RP1: variants seen among roughly 807,000 people sequenced by gnomAD.
RP1 encodes oxygen-regulated protein 1.
In RP1, 16 loss-of-function variants were observed where a neutral mutation model predicts 14.8. That is an observed-to-expected ratio of 1.08 (90% CI 0.73 to 1.65). The LOEUF is 1.65. RP1 is among the 40% of genes most tolerant of loss of function. The pLI, the probability that RP1 is intolerant of heterozygous loss-of-function variation, is 0.00. For missense variants in RP1, 2,631 were observed against 2,535.0 expected, an observed-to-expected ratio of 1.04 and a Z score of -0.81; for synonymous variants, 876 against 883.6, an observed-to-expected ratio of 0.99 and a Z score of 0.15.
intron 25 of RP1, among the ~76,000 whole-genome samples, chr8:54,849,312 G>C (rs1812005617): frequency 6.6e-6 from 1 of 151,924 alleles, no homozygotes; most frequent in Non-Finnish European, 1.5e-5. Context: ...CTAAGCAGCT[G>C]AGTTCATTCA....
chr8:54,722,826 C>G (rs1296347386), intron 16 of RP1, among the ~76,000 whole-genome samples: 1 of 152,112 alleles, frequency 6.6e-6, no homozygotes, highest in African/African-American at 2.4e-5. Context: ...GAGACTCCAC[C>G]TGTTGCCCCC....
intron 15 of RP1, among the ~76,000 whole-genome samples, chr8:54,719,491 C>T (rs774628644): frequency 1.6e-4 from 24 of 152,104 alleles, no homozygotes; most frequent in Non-Finnish European, 3.1e-4. Flanking sequence ...TTAGTTGGGA[C>T]TGAAATCCTA....
At chr8:54,869,646 G>T (rs1812535741) in intron 28 of RP1, among the ~76,000 whole-genome samples, 1 of 152,192 alleles carries the variant, frequency 6.6e-6, no homozygotes, top group African/African-American at 2.4e-5. Flanking sequence ...TTTGCAATTT[G>T]AGTGTAGGAA....
chr8:54,573,819 C>T (rs563693997), intron 1 of RP1, among the ~76,000 whole-genome samples: 1 of 152,080 alleles, frequency 6.6e-6, no homozygotes, highest in Non-Finnish European at 1.5e-5. Context: ...GGAACAACTC[C>T]AATGTTTAAA....
chr8:54,564,196 C>T (rs1372508312), intron 1 of RP1, among the ~76,000 whole-genome samples: 1 of 152,068 alleles, frequency 6.6e-6, no homozygotes, highest in East Asian at 1.9e-4. Flanking sequence ...TTAATGTAAG[C>T]TTTTTTACTA....
chr8:54,662,454 C>T (rs1483639837), intron 6 of RP1, among the ~76,000 whole-genome samples: 1 of 152,142 alleles, frequency 6.6e-6, no homozygotes, highest in African/African-American at 2.4e-5. Context: ...AAGGAAGACC[C>T]TACTGAAGCC....
intron 22 of RP1, among the ~76,000 whole-genome samples, chr8:54,769,441 C>T (rs1402242143): frequency 6.6e-6 from 1 of 152,024 alleles, no homozygotes; most frequent in African/African-American, 2.4e-5. Flanking sequence ...GCCCCAGTTG[C>T]TTTTACAGGT....
exon 29 of RP1, chr8:54,870,437 CT>C (rs1198410188): frequency 6.6e-6 from 1 of 152,164 alleles, no homozygotes; most frequent in African/African-American, 2.4e-5. Flanking sequence ...GTATGTCTCT[CT>C]CAGAATTAGT....
At chr8:54,698,079 G>C (rs1807914667) in intron 12 of RP1, among the ~76,000 whole-genome samples, 1 of 152,122 alleles carries the variant, frequency 6.6e-6, no homozygotes, top group Non-Finnish European at 1.5e-5. Flanking sequence ...CACAGCAAAA[G>C]AAACTATCAT....
intron 27 of RP1, among the ~76,000 whole-genome samples, chr8:54,861,722 C>T (rs1448341033): frequency 6.6e-6 from 1 of 152,134 alleles, no homozygotes; most frequent in East Asian, 1.9e-4. Context: ...TCTGCCTCAG[C>T]CTCCCGAGTG....
intron 24 of RP1, among the ~76,000 whole-genome samples, chr8:54,831,211 G>A (rs1393576190): frequency 2.0e-5 from 3 of 151,848 alleles, no homozygotes; most frequent in Non-Finnish European, 2.9e-5. Flanking sequence ...ATTCTTTTGG[G>A]TATATACCCA....
At chr8:54,670,716 A>T (rs1807161528) in intron 7 of RP1, among the ~76,000 whole-genome samples, 3 of 129,266 alleles carry the variant, frequency 2.3e-5, no homozygotes, top group Admixed American at 8.1e-5. Flanking sequence ...TAAAACATTA[A>T]GTCCTGGTGA....
intron 22 of RP1, among the ~76,000 whole-genome samples, chr8:54,765,066 T>C (rs1324330769): frequency 6.6e-6 from 1 of 152,238 alleles, no homozygotes; most frequent in African/African-American, 2.4e-5. Context: ...AGAGCGGCGT[T>C]TCTGCTGCTC....
intron 5 of RP1, among the ~76,000 whole-genome samples, chr8:54,654,625 A>T (rs1806718601): frequency 6.6e-6 from 1 of 152,184 alleles, no homozygotes; most frequent in Admixed American, 6.5e-5. Flanking sequence ...CACAGACCTT[A>T]GTAGGATCAG....
At chr8:54,614,655 C>T (rs750699294), upstream of RP1, among the ~76,000 whole-genome samples, 3 of 152,168 alleles carry the variant, frequency 2.0e-5, no homozygotes, top group South Asian at 2.1e-4. Flanking sequence ...GGGAGTGGAA[C>T]GTATACTACG....
At chr8:54,768,557 G>T (rs1311637882) in intron 22 of RP1, among the ~76,000 whole-genome samples, 1 of 152,168 alleles carries the variant, frequency 6.6e-6, no homozygotes, top group Non-Finnish European at 1.5e-5. Flanking sequence ...AAGTGTGTGG[G>T]ATAGCAATAA....
At chr8:54,665,300 C>T (rs546078782) in intron 7 of RP1, among the ~76,000 whole-genome samples, 10 of 152,126 alleles carry the variant, frequency 6.6e-5, no homozygotes, top group Non-Finnish European at 1.3e-4. Flanking sequence ...CCACCTCTCC[C>T]AAACTTGTGA....
intron 25 of RP1, among the ~76,000 whole-genome samples, chr8:54,838,413 G>A (rs950373011): frequency 1.3e-5 from 2 of 152,068 alleles, no homozygotes; most frequent in African/African-American, 4.8e-5. Context: ...TAGCCTCTTT[G>A]TTCGGAATGA....
intron 26 of RP1, among the ~76,000 whole-genome samples, chr8:54,854,444 A>G (rs555823110): frequency 6.6e-6 from 1 of 152,368 alleles, no homozygotes; most frequent in Non-Finnish European, 1.5e-5. Context: ...TCTATTTTAC[A>G]TCAAATCCCC....
Sources: allele counts gnomAD v4.1 joint callset (sites outside exome capture counted in the v4.1 genomes callset), GRCh38; gene constraint gnomAD v4.1.1; transcripts MANE v1.5; gene names NCBI Gene and HGNC (gene_info 2026-07-23, HGNC 2026-07-21).